NRXN1: variants seen among roughly 807,000 people sequenced by gnomAD.
NRXN1 encodes neurexin 1.
Under a neutral mutation model 150.9 loss-of-function variants are expected in NRXN1, and 39 were observed. The observed-to-expected ratio is 0.26, with a 90% confidence interval of 0.20 to 0.34. NRXN1 has a LOEUF of 0.34. Among genes scored for constraint, NRXN1 ranks in the 10% least tolerant of loss-of-function variants. The pLI, the probability that NRXN1 is intolerant of heterozygous loss-of-function variation, is 1.00. For missense variants in NRXN1, 1,815 were observed against 1,949.9 expected (o/e 0.93, Z 1.30); for synonymous variants, 924 against 757.0 (o/e 1.22, Z -3.62).
chr2:49,946,977 A>G (rs1336902946), intron 21 of NRXN1, among the ~76,000 whole-genome samples: 4 of 152,308 alleles, frequency 2.6e-5, no homozygotes, highest in Non-Finnish European at 5.9e-5. Flanking sequence ...AGAAAGCTTT[A>G]AAAGCAAAGA....
At chr2:50,470,140 T>A (rs1199896956) in intron 16 of NRXN1, among the ~76,000 whole-genome samples, 1 of 151,804 alleles carries the variant, frequency 6.6e-6, no homozygotes, top group East Asian at 1.9e-4. Flanking sequence ...GGCCTATTTT[T>A]AACAAATATG....
In NRXN1 at chr2:50,576,218, C is replaced by A. The variant is rs142819943; in HGVS notation, c.1321-23193G>T. Among the ~76,000 whole-genome samples, 761 of 152,142 alleles carry A rather than the reference C, an allele frequency of 5.0e-3. 7 individuals are homozygous for A. The highest frequency in any genetic ancestry group is 0.017 in the African/African-American group (711 of 41,538). On this transcript the variant is annotated intron_variant, in intron 8 of 22. Transcript: ENST00000401669. Reference sequence around the variant, plus strand: ...GCTGCAGCAGTGACTACAAATAGATCAGAAAAAATCATATATGGCTTATAC... The same window carrying A: ...GCTGCAGCAGTGACTACAAATAGATAAGAAAAAATCATATATGGCTTATAC...
intron 17 of NRXN1, among the ~76,000 whole-genome samples, chr2:50,446,451 C>T (rs1020562161): frequency 7.3e-6 from 1 of 137,590 alleles, no homozygotes; most frequent in Non-Finnish European, 1.6e-5. Context: ...TTCCTTCCAT[C>T]CTTTCCCCTG....
At chr2:50,170,756 CGTGTGTGTGTGTGT>C (rs58130457) in intron 18 of NRXN1, among the ~76,000 whole-genome samples, 19 of 143,214 alleles carry the variant, frequency 1.3e-4, no homozygotes, top group East Asian at 6.3e-4. Context: ...CTCTGTCTGT[CGTGTGTGTGTGTGT>C]GTGTGTGTGT....
intron 2 of NRXN1, among the ~76,000 whole-genome samples, chr2:50,974,145 T>A (rs1479676328): frequency 6.6e-6 from 1 of 152,170 alleles, no homozygotes. Context: ...TTAACTCAAT[T>A]ATTCAAACTG....
chr2:50,210,424 C>T (rs992527683), intron 18 of NRXN1, among the ~76,000 whole-genome samples: 1 of 151,770 alleles, frequency 6.6e-6, no homozygotes, highest in African/African-American at 2.4e-5. Context: ...ATTGCACCCA[C>T]ATTCACAGGT....
chr2:50,702,053 G>C (rs1196519700), intron 5 of NRXN1, among the ~76,000 whole-genome samples: 2 of 151,902 alleles, frequency 1.3e-5, no homozygotes, highest in African/African-American at 4.8e-5. Flanking sequence ...CTTTAATTGG[G>C]TTTCCAAAAA....
Position 50,236,912 on chromosome 2 carries a change from A to G in NRXN1, c.3423T>C (p.Pro1141=). Residue 1141 remains proline (P), a synonymous_variant, in exon 18 of 23, where the codon CCT becomes CCC. Transcript: ENST00000401669. Reference sequence around the variant, plus strand: ...CTGCTCGTGTACTGGGTCGGTCATTAGGAGGCCACTTATACGTGATTTGTC... The same window carrying G: ...CTGCTCGTGTACTGGGTCGGTCATTGGGAGGCCACTTATACGTGATTTGTC... ...GGGQITYKWP[P]NDRPSTRADR... is the part of the protein sequence containing the mutation. The G allele has an allele frequency of 6.2e-7, 1 of 1,613,404 alleles. No homozygotes were observed.
rs111656259 is a variant in NRXN1, at chr2:50,353,740, A to G, written c.3364+111702T>C. The stretch of plus-strand genomic sequence containing the variant: ...CTGCGATGTGGTTTTTAATTTGGCC[A>G]TATTCTAAAGTCTTCCCACTCAGTC... On this transcript the variant is annotated intron_variant, in intron 17 of 22. Transcript: ENST00000401669. Among the ~76,000 whole-genome samples, 19 of 152,264 alleles carry G rather than the reference A, an allele frequency of 1.2e-4. 1 individual carries two copies. Among genetic ancestry groups the G allele is most frequent in the African/African-American group, 3.9e-4 (16 of 41,546 alleles).
Position 50,148,773 on chromosome 2 carries a change from G to A in NRXN1, c.3547-57279C>T, listed in dbSNP as rs557063181. Among the ~76,000 whole-genome samples the A allele has an allele frequency of 3.1e-4, 47 of 151,576 alleles. 1 individual carries two copies. Among genetic ancestry groups the A allele is most frequent in the Non-Finnish European group, 3.8e-4 (26 of 67,756 alleles). On this transcript the variant is annotated intron_variant, in intron 18 of 22. Transcript: ENST00000401669. ...TCTCAGTAGCAATGTGATGTCAATC[G>A]GGATGATTAAATACCAGCCATTCTA...
chr2:50,429,516 C>A (rs2084777165), intron 17 of NRXN1, among the ~76,000 whole-genome samples: 1 of 152,096 alleles, frequency 6.6e-6, no homozygotes, highest in African/African-American at 2.4e-5. Flanking sequence ...CTTTGCCTCC[C>A]AAAGTGGTGG....
Position 50,347,262 on chromosome 2 carries a change from C to A in NRXN1, c.3365-110292G>T, listed in dbSNP as rs199911382. The A allele has an allele frequency of 4.9e-5, 64 of 1,315,290 alleles. No homozygotes were observed. The highest frequency in any genetic ancestry group is 6.2e-5 in the Non-Finnish European group (62 of 1,006,736). The allele number at this position is 1,315,290 out of a possible 1,614,324, so 81.5% of individuals were successfully genotyped here. A position where few individuals can be genotyped will look rare whatever the true frequency, so the allele number is the denominator to read the frequency against. On this transcript the variant is annotated intron_variant, in intron 17 of 22. Transcript: ENST00000401669. The surrounding 1 kb of genome is among the most constrained non-coding windows in gnomAD (Gnocchi z 4.9). ...TCCCAGATTTCCAGGGCTCCAGGTT[C>A]TCGAGAGATACTCCCAAAGAGTTTC...
chr2:50,143,070 G>C (rs1373422623), intron 18 of NRXN1, among the ~76,000 whole-genome samples: 1 of 151,432 alleles, frequency 6.6e-6, no homozygotes, highest in Non-Finnish European at 1.5e-5. Flanking sequence ...TGCAATGTTA[G>C]GTTGAGAACT....
intron 18 of NRXN1, among the ~76,000 whole-genome samples, chr2:50,229,268 G>A (rs2064706152): frequency 6.6e-6 from 1 of 151,656 alleles, no homozygotes; most frequent in Admixed American, 6.6e-5. Flanking sequence ...TTACAATGCT[G>A]TTTCTATTTT....
intron 8 of NRXN1, among the ~76,000 whole-genome samples, chr2:50,561,082 C>T (rs777386731): frequency 4.6e-5 from 7 of 152,104 alleles, no homozygotes; most frequent in Non-Finnish European, 7.4e-5. Context: ...TCCCATTAAT[C>T]AGGGGAAGAA....
In NRXN1 at chr2:50,254,394, T is replaced by A. The variant is rs376997682; in HGVS notation, c.3365-17424A>T. Among the ~76,000 whole-genome samples, 14 of 151,984 alleles carry A rather than the reference T, an allele frequency of 9.2e-5. No individual in the cohort carries two copies. The East Asian group carries it at 2.3e-3, about 25-fold the overall frequency. On this transcript the variant is annotated intron_variant, in intron 17 of 22. Transcript: ENST00000401669. ...TGGATTCATTGATTTTTTGAAGAGT[T>A]TTTTTGTGTCTTTAGCTCCTTCAGT...
chr2:50,488,636 T>C (rs2091042887), intron 15 of NRXN1, among the ~76,000 whole-genome samples: 1 of 152,190 alleles, frequency 6.6e-6, no homozygotes, highest in Non-Finnish European at 1.5e-5. Context: ...TAATGCTACA[T>C]CCTGTCTCCC....
At chr2:50,783,015 T>C (rs1181947158) in intron 5 of NRXN1, among the ~76,000 whole-genome samples, 5 of 152,164 alleles carry the variant, frequency 3.3e-5, no homozygotes, top group Non-Finnish European at 7.3e-5. Flanking sequence ...GAACCATTTT[T>C]TCCCCTTTCA....
At chr2:50,924,993 T>C (rs1686644954) in intron 3 of NRXN1, among the ~76,000 whole-genome samples, 1 of 151,818 alleles carries the variant, frequency 6.6e-6, no homozygotes, top group African/African-American at 2.4e-5. Flanking sequence ...TATTTCAAAA[T>C]ATGGTAGTAA....
Sources: gnomAD v4.1 joint callset for allele counts (sites outside exome capture counted in the v4.1 genomes callset) on GRCh38, gnomAD v4.1.1 for gene constraint, Gnocchi (gnomAD v3.1) non-coding constraint, MANE v1.5 for transcripts, NCBI Gene and HGNC (gene_info 2026-07-23, HGNC 2026-07-21) for gene names.